Variants in ANKRD53 observed in about 807,000 individuals in gnomAD.
ANKRD53 encodes ankyrin repeat domain-containing protein 53.
Under a neutral mutation model 30.1 loss-of-function variants are expected in ANKRD53, and 27 were observed. The observed-to-expected ratio is 0.90, with a 90% CI of 0.66 to 1.24. The LOEUF (loss-of-function observed/expected upper bound fraction) is 1.24. Ranked by LOEUF, ANKRD53 falls within the 50% of genes most tolerant of loss-of-function variation. The pLI is 0.00. For missense variants in ANKRD53, 682 were observed against 721.0 expected (o/e 0.95, Z 0.62); for synonymous variants, 286 against 295.4 (o/e 0.97, Z 0.33).
Position 70,984,350 on chromosome 2 carries a change from TC to T in ANKRD53, c.904-255del. 4 of 1,599,460 alleles carry T rather than the reference TC, an allele frequency of 2.5e-6. No individual in the cohort carries two copies. The South Asian group carries it at 3.4e-5, about 14-fold the overall frequency. The stretch of plus-strand genomic sequence containing the variant: ...TACATCTCTCCCATCAGATTGGAGA[TC>T]CCCCCTTTGGGAGAGGTGCTTTGTC... On this transcript the variant is annotated intron_variant, in intron 5 of 5. Transcript: ENST00000360589.
chr2:70,983,346 A>C (rs1670068167), intron 5 of ANKRD53, among the ~76,000 whole-genome samples: 1 of 152,382 alleles, frequency 6.6e-6, no homozygotes, highest in East Asian at 1.9e-4. Context: ...ATGTATGCAG[A>C]GAATGAAAAC....
chr2:70,979,424 T>A (rs961008946), intron 2 of ANKRD53, 81 bp downstream of exon 2: 193 of 1,584,232 alleles, frequency 1.2e-4, no homozygotes, highest in Non-Finnish European at 1.6e-4. Context: ...AGAAGAGATA[T>A]CCTTTTCTGG....
chr2:70,981,973 G>A lies in ANKRD53; in HGVS notation c.655G>A (p.Ala219Thr). 1 of 1,609,722 alleles carries A rather than the reference G, an allele frequency of 6.2e-7. No homozygotes were observed. Residue 219 changes from alanine to threonine, a missense_variant, in exon 4 of 6, where the codon GCC becomes ACC. Coordinates refer to ENST00000360589, the MANE Select transcript of ANKRD53 (RefSeq NM_001115116.2). Reference sequence around the variant, plus strand: ...CGGCTCCACGCCCCTGCACCTGGCAGCCCGTGACGGCTTGCTGGACTGTGT... The same window carrying A: ...CGGCTCCACGCCCCTGCACCTGGCAACCCGTGACGGCTTGCTGGACTGTGT... The part of the protein sequence containing the change: ...CNGSTPLHLA[A>T]RDGLLDCVKV...
rs1553424785 is a variant in ANKRD53 at position 70,985,496 on chromosome 2, C to CA, written c.*196_*197insA. On this transcript the variant is annotated 3_prime_UTR_variant, in exon 6 of 6. Coordinates refer to ENST00000360589, the MANE Select transcript of ANKRD53 (RefSeq NM_001115116.2). ...CTGCAAATAAATCTCTTGGCACCCCCCCACCGCCGCCAGGAAATCCAAGTT... is the reference window on the plus strand; with the variant it reads ...CTGCAAATAAATCTCTTGGCACCCCCACCACCGCCGCCAGGAAATCCAAGTT... The CA allele has an allele frequency of 1.9e-5, 11 of 583,306 alleles. No homozygotes were observed. The highest frequency in any genetic ancestry group is 4.3e-5 in the South Asian group (2 of 46,986). The allele number at this position is 583,306 out of a possible 1,614,324, so 36.1% of individuals were successfully genotyped here.
At chr2:70,984,135 A>C in intron 5 of ANKRD53, 1 of 1,613,762 alleles carries the variant, frequency 6.2e-7, no homozygotes, top group African/African-American at 1.3e-5. Flanking sequence ...TCAAGGATGC[A>C]GTGTGCACTT....
chr2:70,984,936 T>C lies in ANKRD53; in HGVS notation c.1229T>C (p.Val410Ala). Residue 410 changes from valine to alanine, a missense_variant, in exon 6 of 6, where the codon GTG becomes GCG. Coordinates refer to ENST00000360589, the MANE Select transcript of ANKRD53 (RefSeq NM_001115116.2). ...ISHSQGIRLGVHPDPTPEHDF... is the reference protein window; with the variant it reads ...ISHSQGIRLGAHPDPTPEHDF... The stretch of plus-strand genomic sequence containing the variant: ...CACTCGCAGGGCATCCGCCTGGGCG[T>C]GCATCCAGACCCCACTCCGGAGCAC... The C allele has an allele frequency of 6.4e-7, 1 of 1,550,734 alleles. No homozygotes were observed. The highest frequency in any genetic ancestry group is 2.4e-5 in the East Asian group (1 of 40,898).
At chr2:70,983,879 C>T (rs564835073) in intron 5 of ANKRD53, among the ~76,000 whole-genome samples, 4 of 152,180 alleles carry the variant, frequency 2.6e-5, no homozygotes, top group South Asian at 4.1e-4. Flanking sequence ...GGAGCTGGGT[C>T]AATCTCCAAA....
rs782688022 is a variant in ANKRD53, at chr2:70,979,243, T to A, written c.317T>A (p.Ile106Asn). ...SDQTAIDQTA[I>N]GSYYQLFAAA... ...CAGACGGCAATCGACCAGACGGCGA[T>A]CGGGAGCTACTACCAGCTGTTCGCA... Residue 106 changes from isoleucine to asparagine, a missense_variant, in exon 2 of 6, where the codon ATC becomes AAC. Transcript: ENST00000360589. 1.2e-6 allele frequency: 2 copies of A among 1,613,376 alleles called. No homozygotes were observed. Among genetic ancestry groups the A allele is most frequent in the South Asian group, 1.1e-5 (1 of 91,080 alleles).
At chr2:70,984,423 C>T in intron 5 of ANKRD53, 188 bp from the exon 6 acceptor site, 1 of 985,352 alleles carries the variant, frequency 1.0e-6, no homozygotes, top group Non-Finnish European at 1.2e-6. Flanking sequence ...TTGTCTCCCC[C>T]ATCGGAACAC....
intron 3 of ANKRD53, among the ~76,000 whole-genome samples, chr2:70,980,195 A>C (rs1245835884): frequency 6.6e-6 from 1 of 152,122 alleles, no homozygotes; most frequent in Non-Finnish European, 1.5e-5. Context: ...CATGCCTGTA[A>C]TCCCAGCTAT....
chr2:70,984,497 G>A (rs1427191000), intron 5 of ANKRD53, 114 bp from the exon 6 acceptor site: 3 of 1,533,220 alleles, frequency 2.0e-6, no homozygotes, highest in South Asian at 1.3e-5. Flanking sequence ...CAGACTCAGA[G>A]TTTCCCTCAT....
At position 70,979,131 on chromosome 2, in the gene ANKRD53, G is replaced by A. The variant is rs781870378; in HGVS notation, c.205G>A (p.Ala69Thr). Reference sequence around the variant, plus strand: ...GCCCGACCTCGCAGACCACCTCAGTGCGCAGGCGACTGCCCTCGCCAGGCC... The same window carrying A: ...GCCCGACCTCGCAGACCACCTCAGTACGCAGGCGACTGCCCTCGCCAGGCC... ...PLPDLADHLS[A>T]QATALARPRR... The change falls in exon 2 of 6, where the codon GCG becomes ACG. Residue 69 changes from alanine to threonine, a missense_variant. Physicochemically the swap from Ala to Thr is moderately conservative, Grantham distance 58. Transcript: ENST00000360589. The A allele has an allele frequency of 4.4e-6, 7 of 1,606,890 alleles. No homozygotes were observed. Among genetic ancestry groups the A allele is most frequent in the Middle Eastern group, 1.7e-4 (1 of 5,946 alleles).
At position 70,985,375 on chromosome 2, in the gene ANKRD53, G is replaced by A. The variant is rs1374454953; in HGVS notation, c.*75G>A. 2.2e-5 allele frequency: 30 copies of A among 1,382,860 alleles called. 1 individual carries two copies. The East Asian group carries it at 4.0e-4, about 19-fold the overall frequency. 85.7% of individuals were successfully genotyped at this position (1,382,860 alleles called of 1,614,324 possible). ...TGTGGCAATTCACGTTGTGGGTGGCGAGGAAAGGGGGAGGGGTGCCTATGG... is the reference window on the plus strand; with the variant it reads ...TGTGGCAATTCACGTTGTGGGTGGCAAGGAAAGGGGGAGGGGTGCCTATGG... On this transcript the variant is annotated 3_prime_UTR_variant, in exon 6 of 6. Transcript: ENST00000360589.
At chr2:70,984,105 T>C (rs1221440235) in intron 5 of ANKRD53, 5 of 1,605,378 alleles carry the variant, frequency 3.1e-6, no homozygotes, top group African/African-American at 1.3e-5. Context: ...TCCAGTCCTT[T>C]CTGCTTTCTC....
At chr2:70,983,387 G>C (rs1022273308) in intron 5 of ANKRD53, among the ~76,000 whole-genome samples, 2 of 152,242 alleles carry the variant, frequency 1.3e-5, no homozygotes, top group Non-Finnish European at 2.9e-5. Context: ...ATGTAAGTTG[G>C]AGGCTGACAA....
intron 3 of ANKRD53, 82 bp from the exon 4 acceptor site, chr2:70,981,854 C>T (rs1670017717): frequency 1.4e-6 from 2 of 1,414,950 alleles, no homozygotes; most frequent in East Asian, 5.2e-5. Context: ...GGCTTGGAAA[C>T]TGGTGTGTCC....
At chr2:70,984,548 T>C in intron 5 of ANKRD53, 63 bp from the exon 6 acceptor site, 1 of 1,576,342 alleles carries the variant, frequency 6.3e-7, no homozygotes. Flanking sequence ...CCACAGGACC[T>C]CCTTGCCCAG....
chr2:70,982,804 C>G lies in ANKRD53; in HGVS notation c.903+107C>G. ...AGGAGTGGCTAGAAGCACTCCCACC[C>G]TGAAAGAGCCACCCTTTCGCCTGTA... On this transcript the variant is annotated intron_variant, in intron 5 of 5. Transcript: ENST00000360589. The surrounding 1 kb of genome is among the most constrained non-coding windows in gnomAD (Gnocchi z 4.2). The G allele has an allele frequency of 6.9e-7, 1 of 1,444,734 alleles. No homozygotes were observed. The highest frequency in any genetic ancestry group is 9.3e-7 in the Non-Finnish European group (1 of 1,078,048). 89.5% of individuals were successfully genotyped at this position (1,444,734 alleles called of 1,614,324 possible).
In ANKRD53 at chr2:70,985,133, C is replaced by T. The variant is rs782297188; in HGVS notation, c.1426C>T (p.Pro476Ser). ...YRMKVPQGFYPISMREVPRKR... is the reference protein window; with the variant it reads ...YRMKVPQGFYSISMREVPRKR... The stretch of plus-strand genomic sequence containing the variant: ...AATGAAGGTGCCCCAGGGCTTTTAC[C>T]CCATCAGCATGAGGGAAGTGCCCAG... Residue 476 changes from proline (P) to serine (S), a missense_variant, in exon 6 of 6, where the codon CCC becomes TCC. Transcript: ENST00000360589. The T allele has an allele frequency of 6.4e-7, 1 of 1,551,236 alleles. No individual in the cohort carries two copies.
Sources: gnomAD v4.1 joint callset for allele counts (sites outside exome capture counted in the v4.1 genomes callset) on GRCh38, gnomAD v4.1.1 for gene constraint, Gnocchi (gnomAD v3.1) non-coding constraint, MANE v1.5 for transcripts, NCBI Gene and HGNC (gene_info 2026-07-23, HGNC 2026-07-21) for gene names.